COL26A1: variants seen among roughly 807,000 people sequenced by gnomAD.
COL26A1 encodes the protein collagen alpha-1(XXVI) chain.
COL26A1 carries 41 observed loss-of-function variants against 59.3 expected under a neutral mutation model. The observed-to-expected ratio is 0.69, with a 90% CI of 0.54 to 0.90. The LOEUF (loss-of-function observed/expected upper bound fraction) is 0.90, where lower values mean the gene tolerates loss of function less well. Among genes scored for constraint, COL26A1 ranks in the 40% least tolerant of loss-of-function variants. COL26A1 has a pLI of 0.00. For synonymous variants in COL26A1, 266 were observed against 256.0 expected, an observed-to-expected ratio of 1.04 and a Z score of -0.37; for missense variants, 612 against 602.3, an observed-to-expected ratio of 1.02 and a Z score of -0.17.
At chr7:101,494,818 G>T (rs950132707) in intron 3 of COL26A1, among the ~76,000 whole-genome samples, 2 of 152,224 alleles carry the variant, frequency 1.3e-5, no homozygotes, top group Non-Finnish European at 2.9e-5. Context: ...CGGCGCCATG[G>T]CTGGGAGCAC....
intron 3 of COL26A1, among the ~76,000 whole-genome samples, chr7:101,450,170 C>A (rs1793296650): frequency 1.3e-5 from 2 of 151,028 alleles, no homozygotes; most frequent in African/African-American, 4.9e-5. Flanking sequence ...AGGGAAGAGA[C>A]ACATGGGGCA....
At chr7:101,440,120 C>T (rs1793017023) in intron 2 of COL26A1, among the ~76,000 whole-genome samples, 1 of 152,164 alleles carries the variant, frequency 6.6e-6, no homozygotes, top group African/African-American at 2.4e-5. Context: ...AATCCCAGCA[C>T]TTTGGGAGGT....
At chr7:101,500,332 G>A (rs1794676502) in intron 3 of COL26A1, among the ~76,000 whole-genome samples, 1 of 152,166 alleles carries the variant, frequency 6.6e-6, no homozygotes, top group Admixed American at 6.5e-5. Context: ...TCTCTTTGGA[G>A]GGACACCCCT....
chr7:101,500,997 C>T lies in COL26A1; in HGVS notation c.386-32085C>T, dbSNP rs1429834737. Among the ~76,000 whole-genome samples, 4 of 151,556 alleles carry T rather than the reference C, an allele frequency of 2.6e-5. No individual in the cohort carries two copies. In the South Asian group the frequency reaches 6.3e-4, roughly 24 times the overall value. ...AGGAGTTCAAGACCAGCCTGGCCAA[C>T]ACGGTGAAACCCTGTCTCTACTAAA... is the stretch of plus-strand genomic sequence containing the variant. On this transcript the variant is annotated intron_variant, in intron 3 of 12. Transcript: ENST00000313669.
chr7:101,454,270 T>TTC (rs200403966), intron 3 of COL26A1, among the ~76,000 whole-genome samples: 2,306 of 146,680 alleles, frequency 0.016, 52 homozygotes, highest in African/African-American at 0.054. Flanking sequence ...TTTTCTTTCT[T>TTC]TTTTTTTTTT....
chr7:101,370,603 C>T (rs1276716386), intron 1 of COL26A1, among the ~76,000 whole-genome samples: 3 of 151,760 alleles, frequency 2.0e-5, no homozygotes, highest in Admixed American at 2.0e-4. Flanking sequence ...AACTCCTGAC[C>T]TCAGGTTATC....
At chr7:101,393,869 C>A (rs1382573238) in intron 1 of COL26A1, among the ~76,000 whole-genome samples, 1 of 152,128 alleles carries the variant, frequency 6.6e-6, no homozygotes, top group Admixed American at 6.6e-5. Context: ...ACTTCAGCTT[C>A]CTGAGTAGCT....
In COL26A1 at chr7:101,432,854, C is replaced by T. The variant is rs374719055; in HGVS notation, c.281+12755C>T. Among the ~76,000 whole-genome samples, 11 of 152,172 alleles carry T rather than the reference C, an allele frequency of 7.2e-5. No individual in the cohort carries two copies. The East Asian group carries it at 1.2e-3, about 16-fold the overall frequency. ...AGTAGCTGGGATTAGAGGTATTTGC[C>T]ACCACACCTGGCTAATTTTGTATTT... On this transcript the variant is annotated intron_variant, in intron 2 of 12. Transcript: ENST00000313669.
At chr7:101,447,827 G>A (rs1793238166) in intron 3 of COL26A1, 40 bp downstream of exon 3, 1 of 1,307,478 alleles carries the variant, frequency 7.6e-7, no homozygotes, top group Non-Finnish European at 1.1e-6. Context: ...GGCCAGGCGT[G>A]GGCCAGGCTG....
intron 3 of COL26A1, among the ~76,000 whole-genome samples, chr7:101,518,188 T>C (rs1563023401): frequency 6.6e-6 from 1 of 152,172 alleles, no homozygotes; most frequent in African/African-American, 2.4e-5. Context: ...GCCCGCATCT[T>C]GCTGTATTTT....
At chr7:101,482,861 G>A (rs1242747749) in intron 3 of COL26A1, among the ~76,000 whole-genome samples, 2 of 152,228 alleles carry the variant, frequency 1.3e-5, no homozygotes, top group Non-Finnish European at 2.9e-5. Flanking sequence ...GGAGGCCAAG[G>A]CAGGAGAATC....
intron 1 of COL26A1, among the ~76,000 whole-genome samples, chr7:101,388,299 C>A (rs1208816470): frequency 6.6e-6 from 1 of 151,566 alleles, no homozygotes; most frequent in Non-Finnish European, 1.5e-5. Context: ...ATGGTGAAAC[C>A]CTGTCTCCAC....
At chr7:101,472,806 G>T (rs1298344187) in intron 3 of COL26A1, among the ~76,000 whole-genome samples, 3 of 602 alleles carry the variant, frequency 5.0e-3, no homozygotes, top group African/African-American at 0.033. Flanking sequence ...GTGTTGTGGG[G>T]CCCCAGGGGA....
At chr7:101,545,583 C>T (rs1313432760) in intron 7 of COL26A1, 93 bp downstream of exon 7, 3 of 1,334,666 alleles carry the variant, frequency 2.2e-6, no homozygotes, top group Non-Finnish European at 3.0e-6. Flanking sequence ...GGAAGTGGAC[C>T]CCACCACATG....
chr7:101,466,837 T>TGTGTGAGAGA (rs764059657), intron 3 of COL26A1, among the ~76,000 whole-genome samples: 430 of 122,684 alleles, frequency 3.5e-3, no homozygotes, highest in African/African-American at 6.8e-3. Flanking sequence ...TGTGTGTGTG[T>TGTGTGAGAGA]GAGAGAGAGA....
intron 4 of COL26A1, among the ~76,000 whole-genome samples, chr7:101,534,243 C>T (rs766172177): frequency 2.0e-5 from 3 of 152,046 alleles, no homozygotes; most frequent in South Asian, 2.1e-4. Flanking sequence ...GACCAGAGCA[C>T]GTGGCATTGT....
In COL26A1 at chr7:101,363,189, C is replaced by G. The variant is rs929556059; in HGVS notation, c.157C>G (p.Arg53Gly). Residue 53 changes from arginine to glycine, a missense_variant and splice_region_variant, in exon 1 of 13, where the codon CGG becomes GGG. Coordinates refer to ENST00000313669, the MANE Select transcript of COL26A1 (RefSeq NM_001278563.3). ...CCCTGGCAGCGGCTACGCGAGCCGC[C>G]GGTGAGTAGCTCGGGGCCGAGGGGC... ...GSPGSGYASR[R>G]HWCHHTVTRT... is the part of the protein sequence containing the mutation. The G allele has an allele frequency of 4.6e-6, 5 of 1,094,844 alleles. No homozygotes were observed. Among genetic ancestry groups the G allele is most frequent in the African/African-American group, 2.2e-5 (1 of 45,520 alleles). The allele number at this position is 1,094,844 out of a possible 1,614,324, so 67.8% of individuals were successfully genotyped here.
Position 101,416,202 on chromosome 7 carries a change from T to G in COL26A1, c.159-3775T>G, listed in dbSNP as rs777241803. Among the ~76,000 whole-genome samples the G allele has an allele frequency of 1.4e-5, 2 of 142,356 alleles. 1 individual carries two copies. The highest frequency in any genetic ancestry group is 3.2e-5 in the Non-Finnish European group (2 of 62,930). The allele number at this position is 142,356 out of a possible 152,430, so 93.4% of individuals were successfully genotyped here. ...TGAGCCCAGGAGTTTGAGACCAGCC[T>G]GGGCAACATAGCTAGACCCTGTTTC... On this transcript the variant is annotated intron_variant, in intron 1 of 12. Coordinates refer to ENST00000313669, the MANE Select transcript of COL26A1 (RefSeq NM_001278563.3).
At chr7:101,426,271 C>G (rs886195197) in intron 2 of COL26A1, among the ~76,000 whole-genome samples, 1 of 152,172 alleles carries the variant, frequency 6.6e-6, no homozygotes. Flanking sequence ...GGTCTGTCTT[C>G]TGCACTGGTT....
Sources: allele counts gnomAD v4.1 joint callset (sites outside exome capture counted in the v4.1 genomes callset), GRCh38; gene constraint gnomAD v4.1.1; transcripts MANE v1.5; gene names NCBI Gene and HGNC (gene_info 2026-07-23, HGNC 2026-07-21).